LYST: variants seen among roughly 807,000 people sequenced by gnomAD.
The protein encoded by LYST is lysosomal-trafficking regulator.
In LYST, 192 loss-of-function variants were observed where a neutral mutation model predicts 413.6. The ratio of observed to expected loss-of-function variants is 0.46; its 90% CI spans 0.41 to 0.52. The LOEUF (loss-of-function observed/expected upper bound fraction) is 0.52. LYST is among the 20% of genes least tolerant of loss of function. The pLI is 0.00. For missense variants in LYST, 3,815 were observed against 4,499.9 expected (o/e 0.85, Z 4.35); for synonymous variants, 1,525 against 1,567.3 (o/e 0.97, Z 0.64).
At chr1:235,827,407 A>G in intron 3 of LYST, 1 of 979,666 alleles carries the variant, frequency 1.0e-6, no homozygotes, top group Non-Finnish European at 1.2e-6. Context: ...CAAACGGACT[A>G]CAGTTGGTGG....
In LYST at chr1:235,709,079, A is replaced by C; in HGVS notation, c.10143+12T>G. ...TTATATAAATACAGATTGTTTTAAA[A>C]GAGTCACTTACAGCAGGATGAAAAA... On this transcript the variant is annotated intron_variant, in intron 44 of 52. Coordinates refer to ENST00000389793, the MANE Select transcript of LYST (RefSeq NM_000081.4). 1 of 1,610,780 alleles carries C rather than the reference A, an allele frequency of 6.2e-7. No homozygotes were observed. The highest frequency in any genetic ancestry group is 8.5e-7 in the Non-Finnish European group (1 of 1,176,890).
chr1:235,690,794 T>C (rs1388935780), intron 47 of LYST, among the ~76,000 whole-genome samples: 1 of 152,202 alleles, frequency 6.6e-6, no homozygotes, highest in African/African-American at 2.4e-5. Flanking sequence ...AGAGGATGAA[T>C]GGTAAGAGAA....
intron 47 of LYST, among the ~76,000 whole-genome samples, chr1:235,689,047 C>T (rs4319315): frequency 0.25 from 35,355 of 141,534 alleles, 6,154 homozygotes; most frequent in African/African-American, 0.47. Context: ...ACAACAACAA[C>T]AATAATATCC....
Position 235,702,872 on chromosome 1 carries a change from T to G in LYST, c.10249A>C (p.Met3417Leu). 1 of 1,614,206 alleles carries G rather than the reference T, an allele frequency of 6.2e-7. No homozygotes were observed. The highest frequency in any genetic ancestry group is 8.5e-7 in the Non-Finnish European group (1 of 1,180,018). The change falls in exon 45 of 53, where the codon ATG becomes CTG. Residue 3417 changes from methionine (M) to leucine (L), a missense_variant. Met to Leu is a conservative substitution (Grantham distance 15). Transcript: ENST00000389793. ...GCTCCAGGTCTGCTCACATGGGCCA[T>G]GTGGAACAGCTGACGGGGAGTCTGC... Reference protein sequence around the residue: ...YGQTPRQLFHMAHVSRPGAKL... With the variant: ...YGQTPRQLFHLAHVSRPGAKL...
intron 1 of LYST, among the ~76,000 whole-genome samples, chr1:235,882,068 A>G (rs969193996): frequency 7.0e-6 from 1 of 142,812 alleles, no homozygotes; most frequent in South Asian, 2.5e-4. Flanking sequence ...ACACACACAC[A>G]CTCTTTCTTT....
intron 3 of LYST, among the ~76,000 whole-genome samples, chr1:235,818,931 C>A (rs1268451968): frequency 6.6e-6 from 1 of 152,192 alleles, no homozygotes; most frequent in Non-Finnish European, 1.5e-5. Flanking sequence ...AGGCTCAGAC[C>A]CAGCAACACC....
chr1:235,828,660 G>A lies in LYST; in HGVS notation c.192+1566C>T, dbSNP rs534763172. Reference sequence around the variant, plus strand: ...ACATATTTTATTAGAGTCATTCCTCGATATTTACTATTACTGATGCTATTT... The same window carrying A: ...ACATATTTTATTAGAGTCATTCCTCAATATTTACTATTACTGATGCTATTT... On this transcript the variant is annotated intron_variant, in intron 3 of 52. Transcript: ENST00000389793. 1.0e-3 allele frequency: 508 copies of A among 484,890 alleles called. 3 individuals are homozygous for A. The highest frequency in any genetic ancestry group is 1.3e-3 in the Non-Finnish European group (473 of 372,974). The allele number at this position is 484,890 out of a possible 1,614,324, so 30.0% of individuals were successfully genotyped here.
intron 8 of LYST, 134 bp downstream of exon 8, chr1:235,802,774 A>G (rs1672388368): frequency 1.3e-6 from 1 of 791,016 alleles, no homozygotes; most frequent in East Asian, 2.7e-5. Flanking sequence ...GGGAAGATCA[A>G]TAAAAAGATT....
At chr1:235,772,980 A>T (rs1022756048) in intron 19 of LYST, among the ~76,000 whole-genome samples, 1 of 152,244 alleles carries the variant, frequency 6.6e-6, no homozygotes, top group African/African-American at 2.4e-5. Context: ...ATGAAGTAAT[A>T]AATTAATTAT....
At chr1:235,789,220 C>T (rs1380387574) in intron 12 of LYST, among the ~76,000 whole-genome samples, 5 of 152,070 alleles carry the variant, frequency 3.3e-5, no homozygotes, top group Non-Finnish European at 7.4e-5. Flanking sequence ...GTCCATGCCT[C>T]ACACTACCAA....
intron 34 of LYST, 101 bp downstream of exon 34, chr1:235,733,402 A>T: frequency 9.9e-7 from 1 of 1,008,146 alleles, no homozygotes. Context: ...TTGTTTAATG[A>T]AATGATTTTA....
intron 47 of LYST, among the ~76,000 whole-genome samples, chr1:235,687,796 A>ATGTT: frequency 6.6e-6 from 1 of 152,082 alleles, no homozygotes; most frequent in East Asian, 1.9e-4. Flanking sequence ...GCACCTCAAC[A>ATGTT]TGTTTCCCTG....
chr1:235,836,275 G>A (rs762391090), intron 1 of LYST, among the ~76,000 whole-genome samples: 8 of 152,144 alleles, frequency 5.3e-5, no homozygotes, highest in Admixed American at 1.3e-4. Flanking sequence ...ACTAATTTAT[G>A]CACTGAGTTT....
chr1:235,840,562 A>G (rs368865010), intron 1 of LYST, among the ~76,000 whole-genome samples: 9 of 152,154 alleles, frequency 5.9e-5, no homozygotes, highest in Admixed American at 4.6e-4. Context: ...TGCTAAACCC[A>G]CAGCAAGACC....
At chr1:235,669,371 A>T (rs556300408) in intron 50 of LYST, among the ~76,000 whole-genome samples, 2 of 152,264 alleles carry the variant, frequency 1.3e-5, no homozygotes, top group South Asian at 2.1e-4. Context: ...CTAACTTTCC[A>T]GGCCTAAAGA....
chr1:235,780,774 T>G, intron 16 of LYST, 91 bp downstream of exon 16: 2 of 482,424 alleles, frequency 4.1e-6, no homozygotes, highest in Non-Finnish European at 7.1e-6. Flanking sequence ...CACATTAAAA[T>G]CTTTAGAAAT....
At chr1:235,691,126 G>T (rs137893361) in intron 47 of LYST, among the ~76,000 whole-genome samples, 3,057 of 152,174 alleles carry the variant, frequency 0.02, 109 homozygotes, top group African/African-American at 0.07. Flanking sequence ...CACTGTGTTA[G>T]CCAGGATGGT....
At chr1:235,676,392 C>T (rs1659382354) in intron 50 of LYST, among the ~76,000 whole-genome samples, 1 of 152,080 alleles carries the variant, frequency 6.6e-6, no homozygotes, top group Admixed American at 6.6e-5. Context: ...CGAGGTGACA[C>T]ATAATCAAAC....
intron 26 of LYST, among the ~76,000 whole-genome samples, chr1:235,752,773 T>C (rs1666632050): frequency 6.6e-6 from 1 of 152,092 alleles, no homozygotes; most frequent in Non-Finnish European, 1.5e-5. Flanking sequence ...AATGCTTCTC[T>C]CCATCTGGGT....
Sources: allele counts gnomAD v4.1 joint callset (sites outside exome capture counted in the v4.1 genomes callset), GRCh38; gene constraint gnomAD v4.1.1; transcripts MANE v1.5; gene names NCBI Gene and HGNC (gene_info 2026-07-23, HGNC 2026-07-21).